The following ZNF521 variants were observed in gnomAD, a reference collection of about 807,000 sequenced individuals.
ZNF521 encodes the protein zinc finger protein 521, also known as LYST-interacting protein 3.
In ZNF521, 14 loss-of-function variants were observed where a neutral mutation model predicts 105.5. The observed-to-expected ratio is 0.13, with a 90% confidence interval of 0.09 to 0.21. The LOEUF (loss-of-function observed/expected upper bound fraction) is 0.21, where lower values mean the gene tolerates loss of function less well. Among genes scored for constraint, ZNF521 ranks in the 10% least tolerant of loss-of-function variants. The pLI is 1.00. For missense variants in ZNF521, 1,233 were observed against 1,629.7 expected, an observed-to-expected ratio of 0.76 and a Z score of 4.19; for synonymous variants, 635 against 606.0, an observed-to-expected ratio of 1.05 and a Z score of -0.70.
At chr18:25,104,940 T>C (rs987264352) in intron 5 of ZNF521, among the ~76,000 whole-genome samples, 4 of 152,118 alleles carry the variant, frequency 2.6e-5, no homozygotes, top group African/African-American at 9.7e-5. Context: ...GGCAAAATAA[T>C]TTTTTTTCTC....
chr18:25,240,663 T>A (rs1361779519), intron 3 of ZNF521, among the ~76,000 whole-genome samples: 1 of 152,108 alleles, frequency 6.6e-6, no homozygotes, highest in Non-Finnish European at 1.5e-5. Flanking sequence ...TAGCCCTTGA[T>A]TCTGAGTACA....
Position 25,106,549 on chromosome 18 carries a change from C to G in ZNF521, c.3659-14468G>C, listed in dbSNP as rs184767990. On this transcript the variant is annotated intron_variant, in intron 5 of 7. Coordinates refer to ENST00000361524, the MANE Select transcript of ZNF521 (RefSeq NM_015461.3). ...CATTACAAACATTACCAAAAGGTCC[C>G]CTGGTGCGATTGTAAAGTTCTACTC... is the stretch of plus-strand genomic sequence containing the variant. Among the ~76,000 whole-genome samples the G allele has an allele frequency of 9.9e-5, 15 of 152,160 alleles. No homozygotes were observed. The East Asian group carries it at 2.9e-3, about 29-fold the overall frequency.
intron 4 of ZNF521, among the ~76,000 whole-genome samples, chr18:25,223,841 T>C (rs912673607): frequency 2.6e-5 from 4 of 152,156 alleles, no homozygotes; most frequent in African/African-American, 7.2e-5. Context: ...TTTTCCTCTC[T>C]ACCCAGAAGA....
At chr18:25,102,223 T>C (rs2033979784) in intron 5 of ZNF521, among the ~76,000 whole-genome samples, 2 of 152,170 alleles carry the variant, frequency 1.3e-5, no homozygotes, top group Admixed American at 1.3e-4. Flanking sequence ...CACACAAGAA[T>C]TGGCTGGCTA....
intron 5 of ZNF521, among the ~76,000 whole-genome samples, chr18:25,121,215 C>T (rs1290817120): frequency 1.3e-5 from 2 of 148,282 alleles, no homozygotes; most frequent in Non-Finnish European, 3.0e-5. Flanking sequence ...AGGTTCACGC[C>T]ATTCTCCTGC....
intron 3 of ZNF521, among the ~76,000 whole-genome samples, chr18:25,298,264 T>C (rs1006293320): frequency 6.6e-6 from 1 of 152,236 alleles, no homozygotes; most frequent in East Asian, 1.9e-4. Context: ...CCAGTTCTTC[T>C]AAATGATGTC....
At chr18:25,090,340 A>T (rs1272091385) in intron 6 of ZNF521, among the ~76,000 whole-genome samples, 1 of 152,178 alleles carries the variant, frequency 6.6e-6, no homozygotes, top group African/African-American at 2.4e-5. Context: ...CAGGGAAAGG[A>T]TTTATTAAAG....
intron 7 of ZNF521, among the ~76,000 whole-genome samples, chr18:25,072,766 G>A (rs1599963053): frequency 6.6e-6 from 1 of 152,156 alleles, no homozygotes; most frequent in Non-Finnish European, 1.5e-5. Context: ...AGCGTACTGT[G>A]GGACAGAAGG....
intron 3 of ZNF521, chr18:25,302,988 C>T (rs1227029810): frequency 6.6e-6 from 1 of 151,968 alleles, no homozygotes; most frequent in African/African-American, 2.4e-5. Context: ...AGTTGCACAC[C>T]TCAAAATATG....
At chr18:25,111,289 T>C (rs1414692912) in intron 5 of ZNF521, among the ~76,000 whole-genome samples, 1 of 152,162 alleles carries the variant, frequency 6.6e-6, no homozygotes, top group Admixed American at 6.5e-5. Flanking sequence ...TGCTACTGCA[T>C]TCCACTTGTC....
intron 4 of ZNF521, chr18:25,224,078 T>C (rs907071877): frequency 1.0e-5 from 4 of 396,530 alleles, no homozygotes; most frequent in African/African-American, 4.0e-5. Context: ...AGTGTTGGCA[T>C]GAGCGCTGGT....
At chr18:25,311,100 C>T (rs900792841) in intron 3 of ZNF521, among the ~76,000 whole-genome samples, 1 of 152,072 alleles carries the variant, frequency 6.6e-6, no homozygotes, top group South Asian at 2.1e-4. Flanking sequence ...AGTTCCAGTC[C>T]AATTCCTTGA....
intron 5 of ZNF521, among the ~76,000 whole-genome samples, chr18:25,102,468 TCTAA>T (rs201286971): frequency 0.025 from 3,779 of 152,046 alleles, 103 homozygotes; most frequent in African/African-American, 0.069. Context: ...TTGGAGATGC[TCTAA>T]CTAAGGACTT....
At position 25,225,427 on chromosome 18, in the gene ZNF521, T is replaced by G. The variant is rs1373625608; in HGVS notation, c.2491A>C (p.Lys831Gln). The change falls in exon 4 of 8, where the codon AAA becomes CAA. Residue 831 changes from lysine (K) to glutamine (Q), a missense_variant. Transcript: ENST00000361524. The surrounding 1 kb of genome is among the most constrained non-coding windows in gnomAD (Gnocchi z 5.6). ...GTCTTGGTTTCGAATACACAGTGTT[T>G]TTCTCGCAAGTGTTTTTCTAACAAA... ...IILLEKHLRE[K>Q]HCVFETKTPN... is the part of the protein sequence containing the mutation. 1 of 1,614,218 alleles carries G rather than the reference T, an allele frequency of 6.2e-7. No individual in the cohort carries two copies. Among genetic ancestry groups the G allele is most frequent in the Non-Finnish European group, 8.5e-7 (1 of 1,180,026 alleles).
chr18:25,303,527 A>G (rs1911779803), intron 3 of ZNF521, among the ~76,000 whole-genome samples: 1 of 152,036 alleles, frequency 6.6e-6, no homozygotes, highest in African/African-American at 2.4e-5. Flanking sequence ...CGAACTCCTG[A>G]TCTCATGATC....
intron 2 of ZNF521, among the ~76,000 whole-genome samples, chr18:25,341,463 G>A (rs997868205): frequency 2.0e-5 from 3 of 152,058 alleles, no homozygotes; most frequent in Non-Finnish European, 4.4e-5. Flanking sequence ...ACCATTGCAC[G>A]ATTAACTTTC....
intron 5 of ZNF521, among the ~76,000 whole-genome samples, chr18:25,111,930 C>T (rs1242672876): frequency 6.6e-6 from 1 of 152,186 alleles, no homozygotes; most frequent in Non-Finnish European, 1.5e-5. Flanking sequence ...GCACAACAAG[C>T]TCACAAATGG....
intron 3 of ZNF521, among the ~76,000 whole-genome samples, chr18:25,242,851 C>T (rs1907438115): frequency 6.6e-6 from 1 of 152,168 alleles, no homozygotes; most frequent in African/African-American, 2.4e-5. Flanking sequence ...AAGCAGGCTA[C>T]AACTAAAAGG....
rs747788999 is a variant in ZNF521 at position 25,224,828 on chromosome 18, G to C, written c.3090C>G (p.Thr1030=). The change falls in exon 4 of 8, where the codon ACC becomes ACG. Residue 1030 remains threonine (T), a synonymous_variant. Coordinates refer to ENST00000361524, the MANE Select transcript of ZNF521 (RefSeq NM_015461.3). ...CATGGATTTTGAGTTCCAAGGTGGA[G>C]GTCACTGTCTGCATGCACACCACGC... ...FRCVVCMQTV[T]STLELKIHGT... is the part of the protein sequence containing the mutation. 1.2e-6 allele frequency: 2 copies of C among 1,614,080 alleles called. No homozygotes were observed. Among genetic ancestry groups the C allele is most frequent in the Non-Finnish European group, 1.7e-6 (2 of 1,180,028 alleles).
Sources: allele counts gnomAD v4.1 joint callset (sites outside exome capture counted in the v4.1 genomes callset), GRCh38; gene constraint gnomAD v4.1.1; non-coding constraint Gnocchi (gnomAD v3.1); transcripts MANE v1.5; gene names NCBI Gene and HGNC (gene_info 2026-07-23, HGNC 2026-07-21).